Variants in CSN3 observed in about 807,000 individuals in gnomAD.
CSN3 encodes the protein kappa-casein.
CSN3 carries 7 observed loss-of-function variants against 9.9 expected under a neutral mutation model. That is an observed-to-expected ratio of 0.71 (90% CI 0.40 to 1.33). The LOEUF (loss-of-function observed/expected upper bound fraction) is 1.33. Ranked by LOEUF, CSN3 falls within the 40% of genes most tolerant of loss-of-function variation. The pLI, the probability that CSN3 is intolerant of heterozygous loss-of-function variation, is 0.01. For missense variants in CSN3, 253 were observed against 227.9 expected, an observed-to-expected ratio of 1.11 and a Z score of -0.71; for synonymous variants, 88 against 82.3, an observed-to-expected ratio of 1.07 and a Z score of -0.37.
intron 1 of CSN3, chr4:70,243,250 T>C (rs1730307419): frequency 4.7e-6 from 3 of 638,830 alleles, no homozygotes; most frequent in Non-Finnish European, 5.8e-6. Flanking sequence ...TATCATTTTA[T>C]AGAATATTTT....
upstream of CSN3, among the ~76,000 whole-genome samples, chr4:70,238,443 G>A (rs1053439119): frequency 5.3e-5 from 8 of 151,878 alleles, no homozygotes; most frequent in Non-Finnish European, 2.9e-5. Flanking sequence ...GAGAAAAAGT[G>A]GTAGAAGTTA....
At chr4:70,243,811 G>A (rs915696091) in intron 1 of CSN3, among the ~76,000 whole-genome samples, 7 of 151,996 alleles carry the variant, frequency 4.6e-5, no homozygotes, top group Admixed American at 2.6e-4. Context: ...TAAGGCTAAT[G>A]TATTTCTTTA....
chr4:70,247,576 T>C (rs1730405182), intron 2 of CSN3, among the ~76,000 whole-genome samples: 1 of 152,124 alleles, frequency 6.6e-6, no homozygotes. Context: ...AGTGACTTTT[T>C]CATTCTAGGT....
At chr4:70,250,690 A>G (rs1035928922) in intron 4 of CSN3, among the ~76,000 whole-genome samples, 14 of 152,174 alleles carry the variant, frequency 9.2e-5, no homozygotes, top group African/African-American at 3.4e-4. Flanking sequence ...AAAAACCAGT[A>G]GGACTGAGGA....
At chr4:70,244,283 A>G (rs1730329503) in intron 1 of CSN3, among the ~76,000 whole-genome samples, 1 of 152,044 alleles carries the variant, frequency 6.6e-6, no homozygotes, top group Non-Finnish European at 1.5e-5. Context: ...TTCTCATACA[A>G]GATTCCAATC....
intron 4 of CSN3, among the ~76,000 whole-genome samples, chr4:70,250,691 G>A (rs186416525): frequency 6.6e-6 from 1 of 152,158 alleles, no homozygotes; most frequent in Non-Finnish European, 1.5e-5. Flanking sequence ...AAAACCAGTA[G>A]GACTGAGGAC....
Position 70,245,670 on chromosome 4 carries a change from A to G in CSN3, c.54+797A>G, listed in dbSNP as rs73824561. Among the ~76,000 whole-genome samples the G allele has an allele frequency of 4.0e-3, 609 of 152,156 alleles. 4 individuals carry two copies. Among genetic ancestry groups the G allele is most frequent in the African/African-American group, 0.014 (569 of 41,530 alleles). ...TATATGTCCTCCTCCTAGATTGTAAAATTTTGAGGAACACTAGTCCTCGTT... is the reference window on the plus strand; with the variant it reads ...TATATGTCCTCCTCCTAGATTGTAAGATTTTGAGGAACACTAGTCCTCGTT... On this transcript the variant is annotated intron_variant, in intron 2 of 4. Transcript: ENST00000304954.
chr4:70,240,216 A>T (rs189432984), upstream of CSN3, among the ~76,000 whole-genome samples: 1 of 152,174 alleles, frequency 6.6e-6, no homozygotes, highest in African/African-American at 2.4e-5. Flanking sequence ...TGAGTCAATA[A>T]TCATTATGTC....
At chr4:70,243,660 A>G (rs1038674114) in intron 1 of CSN3, among the ~76,000 whole-genome samples, 2 of 152,104 alleles carry the variant, frequency 1.3e-5, no homozygotes, top group Non-Finnish European at 2.9e-5. Flanking sequence ...CTGCAACAAG[A>G]TGAAGTTAGT....
chr4:70,249,362 C>G, exon 4 of CSN3: 1 of 1,614,082 alleles, frequency 6.2e-7, no homozygotes, highest in South Asian at 1.1e-5. Context: ...ACTGAACCAA[C>G]GGTGGACAGT....
At chr4:70,245,608 T>C (rs1730362468) in intron 2 of CSN3, among the ~76,000 whole-genome samples, 1 of 152,148 alleles carries the variant, frequency 6.6e-6, no homozygotes, top group South Asian at 2.1e-4. Context: ...ATCTGGGTAT[T>C]CTAGGCACTG....
At chr4:70,246,071 G>GAA (rs11411323) in intron 2 of CSN3, among the ~76,000 whole-genome samples, 25 of 147,324 alleles carry the variant, frequency 1.7e-4, no homozygotes, top group African/African-American at 3.5e-4. Flanking sequence ...CAAATATACA[G>GAA]AAAAAAAAAA....
exon 4 of CSN3, chr4:70,249,091 A>G (rs1254592803): frequency 6.2e-7 from 1 of 1,614,000 alleles, no homozygotes; most frequent in South Asian, 1.1e-5. Context: ...TTATGGAACC[A>G]ATTTGTACCA....
chr4:70,239,399 T>G (rs1253215400), upstream of CSN3, among the ~76,000 whole-genome samples: 1 of 151,878 alleles, frequency 6.6e-6, no homozygotes, highest in Non-Finnish European at 1.5e-5. Context: ...ATGACAAGAA[T>G]GAAGTAAACA....
At chr4:70,240,683 T>C (rs755567623), upstream of CSN3, among the ~76,000 whole-genome samples, 5 of 152,004 alleles carry the variant, frequency 3.3e-5, no homozygotes, top group Non-Finnish European at 5.9e-5. Context: ...GATCAGTAGA[T>C]ATGGGAAATA....
intron 2 of CSN3, among the ~76,000 whole-genome samples, chr4:70,246,325 T>C (rs967478448): frequency 1.1e-4 from 16 of 152,166 alleles, no homozygotes; most frequent in Non-Finnish European, 1.5e-5. Flanking sequence ...AAATCTCATT[T>C]GTGAAAAATC....
intron 1 of CSN3, 55 bp from the exon 2 acceptor site, chr4:70,244,757 T>C: frequency 1.8e-6 from 2 of 1,099,206 alleles, no homozygotes; most frequent in Non-Finnish European, 2.5e-6. Flanking sequence ...AAGTCACTCC[T>C]AAATTTCTAG....
upstream of CSN3, among the ~76,000 whole-genome samples, chr4:70,240,831 T>C (rs1217205184): frequency 6.6e-6 from 1 of 151,906 alleles, no homozygotes; most frequent in African/African-American, 2.4e-5. Context: ...AAGAATAATG[T>C]CCAGGACCTG....
chr4:70,247,612 A>T (rs1730405597), intron 2 of CSN3, among the ~76,000 whole-genome samples: 1 of 152,128 alleles, frequency 6.6e-6, no homozygotes, highest in Non-Finnish European at 1.5e-5. Flanking sequence ...CAATATAAAC[A>T]TGCAGTTTAT....
Sources: gnomAD v4.1 joint callset for allele counts (sites outside exome capture counted in the v4.1 genomes callset) on GRCh38, gnomAD v4.1.1 for gene constraint, MANE v1.5 for transcripts, NCBI Gene and HGNC (gene_info 2026-07-23, HGNC 2026-07-21) for gene names.